Variants in GRM5 observed in about 807,000 individuals in gnomAD.
GRM5 encodes glutamate metabotropic receptor 5.
GRM5 carries 19 observed loss-of-function variants against 83.1 expected under a neutral mutation model. That is an observed-to-expected ratio of 0.23 (90% CI 0.16 to 0.34). The LOEUF (loss-of-function observed/expected upper bound fraction) is 0.34. Among genes scored for constraint, GRM5 ranks in the 10% least tolerant of loss-of-function variants. GRM5 has a pLI of 1.00. For missense variants in GRM5, 1,160 were observed against 1,588.3 expected, an observed-to-expected ratio of 0.73 and a Z score of 4.58; for synonymous variants, 675 against 633.6, an observed-to-expected ratio of 1.07 and a Z score of -0.98.
intron 7 of GRM5, among the ~76,000 whole-genome samples, chr11:88,587,846 C>T (rs1943349870): frequency 6.6e-6 from 1 of 152,052 alleles, no homozygotes; most frequent in African/African-American, 2.4e-5. Flanking sequence ...CTTACCACTT[C>T]TCTATCAAAC....
At chr11:88,765,968 A>G (rs1411855374) in intron 3 of GRM5, among the ~76,000 whole-genome samples, 1 of 151,784 alleles carries the variant, frequency 6.6e-6, no homozygotes, top group Non-Finnish European at 1.5e-5. Flanking sequence ...TCCAGAAAAT[A>G]TAGAGAAGTC....
chr11:88,615,457 TG>T (rs1243314975), intron 4 of GRM5, among the ~76,000 whole-genome samples: 1 of 152,174 alleles, frequency 6.6e-6, no homozygotes, highest in Non-Finnish European at 1.5e-5. Flanking sequence ...AAATTCTGCC[TG>T]TGCCATTTCA....
chr11:88,730,278 A>G lies in GRM5; in HGVS notation c.912-76875T>C, dbSNP rs573156300. Among the ~76,000 whole-genome samples the G allele has an allele frequency of 5.3e-5, 8 of 152,342 alleles. No homozygotes were observed. The South Asian group carries it at 1.7e-3, about 32-fold the overall frequency. On this transcript the variant is annotated intron_variant, in intron 3 of 9. Transcript: ENST00000305447. ...GCCAACAAACATATAAAAAAAGCTC[A>G]TCATCACTGGTCATTAGAGAAATGC...
At chr11:88,631,089 A>G (rs1369895505) in intron 4 of GRM5, among the ~76,000 whole-genome samples, 1 of 152,170 alleles carries the variant, frequency 6.6e-6, no homozygotes, top group Non-Finnish European at 1.5e-5. Context: ...TAGGCCAACC[A>G]TGAGGGCTGT....
chr11:88,955,174 G>A (rs1938571210), intron 2 of GRM5, among the ~76,000 whole-genome samples: 1 of 152,154 alleles, frequency 6.6e-6, no homozygotes, highest in Non-Finnish European at 1.5e-5. Flanking sequence ...TGAGTAACTT[G>A]TTCAGTTACA....
At chr11:88,887,643 C>T (rs569327666) in intron 2 of GRM5, among the ~76,000 whole-genome samples, 59 of 152,244 alleles carry the variant, frequency 3.9e-4, no homozygotes, top group African/African-American at 1.3e-3. Context: ...AAGGGGAATG[C>T]CCCCACTGTC....
chr11:88,859,179 T>C (rs1747456932), intron 2 of GRM5, among the ~76,000 whole-genome samples: 1 of 152,208 alleles, frequency 6.6e-6, no homozygotes, highest in South Asian at 2.1e-4. Context: ...AGTAGGCTTG[T>C]GTGAATGGGA....
At chr11:88,856,492 T>C (rs1448102021) in intron 2 of GRM5, among the ~76,000 whole-genome samples, 5 of 152,070 alleles carry the variant, frequency 3.3e-5, no homozygotes, top group African/African-American at 4.8e-5. Flanking sequence ...TGCCTTCTTC[T>C]GGAATACCTC....
chr11:88,794,403 C>A (rs1227647683), intron 3 of GRM5, among the ~76,000 whole-genome samples: 5 of 152,108 alleles, frequency 3.3e-5, no homozygotes, highest in Non-Finnish European at 7.4e-5. Context: ...GCTTAAAATT[C>A]CCTGGCAGAT....
At chr11:88,927,321 A>C (rs572408263) in intron 2 of GRM5, among the ~76,000 whole-genome samples, 1 of 152,272 alleles carries the variant, frequency 6.6e-6, no homozygotes, top group East Asian at 1.9e-4. Flanking sequence ...ATATTCTAGA[A>C]GTAAAACCTC....
intron 9 of GRM5, among the ~76,000 whole-genome samples, chr11:88,513,043 C>T (rs1002355534): frequency 3.9e-5 from 6 of 152,206 alleles, no homozygotes; most frequent in Non-Finnish European, 8.8e-5. Context: ...TCCTCAAATG[C>T]TTTCTCATTG....
intron 3 of GRM5, among the ~76,000 whole-genome samples, chr11:88,674,714 AT>A (rs1427413732): frequency 1.3e-5 from 2 of 151,624 alleles, no homozygotes; most frequent in African/African-American, 4.8e-5. Context: ...TTGGGAAGCT[AT>A]TTTTTTCCCT....
rs1251094716 is a variant in GRM5 at position 88,505,580 on chromosome 11, C to G, written c.*3012G>C. 6.6e-6 allele frequency: 1 copy of G among 152,228 alleles called. No individual in the cohort carries two copies. Among genetic ancestry groups the G allele is most frequent in the Non-Finnish European group, 1.5e-5 (1 of 68,040 alleles). 9.4% of individuals were successfully genotyped at this position (152,228 alleles called of 1,614,324 possible). ...CCATACTCCCTTTCTGTTCCCCATC[C>G]CTAGCCCAGAAAGACGGTTCTTCCC... On this transcript the variant is annotated 3_prime_UTR_variant, in exon 10 of 10. Coordinates refer to ENST00000305447, the MANE Select transcript of GRM5 (RefSeq NM_001143831.3).
chr11:88,518,832 C>A lies in GRM5; in HGVS notation c.2726+6477G>T, dbSNP rs376409362. Among the ~76,000 whole-genome samples the A allele has an allele frequency of 2.8e-4, 42 of 150,904 alleles. No individual in the cohort carries two copies. In the East Asian group the frequency reaches 3.7e-3, roughly 13 times the overall value. ...TAGGGTGGAGATTATTTTATACTTC[C>A]CCAAACACCCCATGGTCCCTAAAAC... On this transcript the variant is annotated intron_variant, in intron 9 of 9. Coordinates refer to ENST00000305447, the MANE Select transcript of GRM5 (RefSeq NM_001143831.3).
intron 9 of GRM5, among the ~76,000 whole-genome samples, chr11:88,514,141 T>C (rs377607169): frequency 5.3e-5 from 8 of 152,158 alleles, no homozygotes; most frequent in African/African-American, 1.7e-4. Context: ...AAAAGTAACG[T>C]CTTGCTCTCT....
In GRM5 at chr11:88,859,203, A is replaced by G. The variant is rs187657241; in HGVS notation, c.662-9048T>C. 6.7e-3 allele frequency among the ~76,000 whole-genome samples: 1,022 copies of G among 152,190 alleles called. 9 individuals are homozygous for G. Among genetic ancestry groups the G allele is most frequent in the Middle Eastern group, 6.8e-3 (2 of 294 alleles). ...GTGTGAATGGGAGTAAAAAAAGTGA[A>G]GACAATATATTTATACAACTTTTTT... On this transcript the variant is annotated intron_variant, in intron 2 of 9. Transcript: ENST00000305447.
chr11:88,977,432 C>T (rs1182547024), intron 2 of GRM5, among the ~76,000 whole-genome samples: 6 of 152,096 alleles, frequency 3.9e-5, no homozygotes, highest in Non-Finnish European at 8.8e-5. Flanking sequence ...AGGATGGTCT[C>T]GATCTCCTGA....
intron 8 of GRM5, among the ~76,000 whole-genome samples, chr11:88,525,804 G>T (rs1941860594): frequency 6.6e-6 from 1 of 152,160 alleles, no homozygotes; most frequent in Non-Finnish European, 1.5e-5. Context: ...TTGTATCCAG[G>T]CAACAGCCCT....
At chr11:88,568,388 G>T (rs1942916415) in intron 7 of GRM5, among the ~76,000 whole-genome samples, 1 of 152,078 alleles carries the variant, frequency 6.6e-6, no homozygotes, top group African/African-American at 2.4e-5. Context: ...AAATGTGTTG[G>T]TTTGATGGAG....
Sources: allele counts gnomAD v4.1 joint callset (sites outside exome capture counted in the v4.1 genomes callset), GRCh38; gene constraint gnomAD v4.1.1; transcripts MANE v1.5; gene names NCBI Gene and HGNC (gene_info 2026-07-23, HGNC 2026-07-21).